Variants in STAM observed in about 807,000 individuals in gnomAD.
The protein encoded by STAM is signal transducing adapter molecule 1.
STAM carries 16 observed loss-of-function variants against 63.4 expected under a neutral mutation model. The observed-to-expected ratio is 0.25, with a 90% CI of 0.17 to 0.38. The LOEUF is 0.38. Among genes scored for constraint, STAM ranks in the 10% least tolerant of loss-of-function variants. The pLI, the probability that STAM is intolerant of heterozygous loss-of-function variation, is 1.00. For missense variants in STAM, 636 were observed against 657.1 expected (o/e 0.97, Z 0.35); for synonymous variants, 238 against 223.9 (o/e 1.06, Z -0.56).
At chr10:17,663,931 G>C (rs1190684300) in intron 2 of STAM, among the ~76,000 whole-genome samples, 1 of 151,752 alleles carries the variant, frequency 6.6e-6, no homozygotes, top group Non-Finnish European at 1.5e-5. Flanking sequence ...CTGGGCCCTA[G>C]GCACTTTTGT....
Position 17,704,178 on chromosome 10 carries a change from G to T in STAM, c.913-253G>T, listed in dbSNP as rs180761838. On this transcript the variant is annotated intron_variant, in intron 9 of 13. Transcript: ENST00000377524. Reference sequence around the variant, plus strand: ...CGAGATCATAGCTCACTGCAGCCTTGACCTCCTGGGCTCAAGTGATTCTCC... The same window carrying T: ...CGAGATCATAGCTCACTGCAGCCTTTACCTCCTGGGCTCAAGTGATTCTCC... Among the ~76,000 whole-genome samples the T allele has an allele frequency of 3.9e-3, 594 of 152,228 alleles. 3 individuals are homozygous for T. The highest frequency in any genetic ancestry group is 0.014 in the African/African-American group (571 of 41,544).
intron 2 of STAM, among the ~76,000 whole-genome samples, chr10:17,675,330 C>G (rs1387347455): frequency 6.6e-6 from 1 of 151,922 alleles, no homozygotes; most frequent in Non-Finnish European, 1.5e-5. Flanking sequence ...GTGGTGAAAC[C>G]CTGTCTCCAC....
intron 1 of STAM, among the ~76,000 whole-genome samples, chr10:17,653,433 GGT>G (rs1833817563): frequency 6.6e-6 from 1 of 152,158 alleles, no homozygotes; most frequent in South Asian, 2.1e-4. Context: ...TAAGCATTCT[GGT>G]AGGTGATACA....
Position 17,714,673 on chromosome 10 carries a change from C to T in STAM, c.1516C>T (p.Pro506Ser), listed in dbSNP as rs782591677. 44 of 1,613,996 alleles carry T rather than the reference C, an allele frequency of 2.7e-5. No individual in the cohort carries two copies. Among genetic ancestry groups the T allele is most frequent in the Middle Eastern group, 1.6e-4 (1 of 6,084 alleles). The change falls in exon 14 of 14, where the codon CCC becomes TCC. Residue 506 changes from proline to serine, a missense_variant. Pro to Ser is a moderately conservative substitution (Grantham distance 74, BLOSUM62 -1). This residue lies in a region of STAM where 532 missense variants were observed against 536.9 expected (regional missense o/e 0.99). Coordinates refer to ENST00000377524, the MANE Select transcript of STAM (RefSeq NM_003473.4). ...TLYQNAGPNM[P>S]QVPNYNLTSS... is the part of the protein sequence containing the mutation. Reference sequence around the variant, plus strand: ...GTACCAGAATGCAGGACCTAATATGCCCCAGGTGCCAAACTATAACTTAAC... The same window carrying T: ...GTACCAGAATGCAGGACCTAATATGTCCCAGGTGCCAAACTATAACTTAAC...
At chr10:17,705,403 G>A (rs1190880941) in intron 11 of STAM, among the ~76,000 whole-genome samples, 185 bp from the exon 12 acceptor site, 1 of 152,158 alleles carries the variant, frequency 6.6e-6, no homozygotes, top group Non-Finnish European at 1.5e-5. Context: ...AGCACAGCAC[G>A]TAAACCTTAA....
rs1554826330 is a variant in STAM at position 17,688,183 on chromosome 10, G to A, written c.444+10G>A. 7 of 1,525,052 alleles carry A rather than the reference G, an allele frequency of 4.6e-6. No homozygotes were observed. The highest frequency in any genetic ancestry group is 1.3e-5 in the South Asian group (1 of 74,714). 94.5% of individuals were successfully genotyped at this position (1,525,052 alleles called of 1,614,324 possible). On this transcript the variant is annotated intron_variant, in intron 5 of 13. Transcript: ENST00000377524. ...AGCTATTGGCTCTCAGGTATTTTGGGAATGAAGTTGTGTGTGTGCTACAGT... is the reference window on the plus strand; with the variant it reads ...AGCTATTGGCTCTCAGGTATTTTGGAAATGAAGTTGTGTGTGTGCTACAGT...
chr10:17,653,286 C>T (rs139109649), intron 1 of STAM, among the ~76,000 whole-genome samples: 22 of 152,234 alleles, frequency 1.4e-4, no homozygotes, highest in East Asian at 3.9e-4. Context: ...GAATATTCCG[C>T]GATAAAAACT....
chr10:17,664,153 C>T (rs1183243738), intron 2 of STAM, among the ~76,000 whole-genome samples: 1 of 152,010 alleles, frequency 6.6e-6, no homozygotes, highest in African/African-American at 2.4e-5. Flanking sequence ...TAAGCGTTTA[C>T]AGAATTGGGT....
intron 12 of STAM, 74 bp downstream of exon 12, chr10:17,705,815 C>A: frequency 6.9e-7 from 1 of 1,451,288 alleles, no homozygotes; most frequent in Non-Finnish European, 9.3e-7. Context: ...TGCCTGTAAT[C>A]TCAGCAATTT....
intron 13 of STAM, among the ~76,000 whole-genome samples, chr10:17,712,227 C>G (rs187216452): frequency 6.6e-6 from 1 of 152,288 alleles, no homozygotes; most frequent in African/African-American, 2.4e-5. Flanking sequence ...ACTATTACCC[C>G]CATTTTATAG....
Position 17,700,258 on chromosome 10 carries a change from G to T in STAM, c.891G>T (p.Pro297=), listed in dbSNP as rs782570790. The T allele has an allele frequency of 2.5e-6, 4 of 1,607,850 alleles. No homozygotes were observed. The South Asian group carries it at 4.4e-5, about 18-fold the overall frequency. Residue 297 remains proline (P), a synonymous_variant, in exon 9 of 14, where the codon CCG becomes CCT. Coordinates refer to ENST00000377524, the MANE Select transcript of STAM (RefSeq NM_003473.4). ...AGGTAGAGACAATAGAACCAGAGCCGGAACCAGCCTTTATTGATGAAGTAA... is the reference window on the plus strand; with the variant it reads ...AGGTAGAGACAATAGAACCAGAGCCTGAACCAGCCTTTATTGATGAAGTAA... ...DVQVETIEPE[P]EPAFIDEDKM... is the part of the protein sequence containing the mutation.
chr10:17,693,369 G>C, intron 6 of STAM, 57 bp downstream of exon 6: 1 of 1,376,154 alleles, frequency 7.3e-7, no homozygotes, highest in Admixed American at 2.0e-5. Context: ...TTTTCTCTGA[G>C]ATATTTAAAG....
chr10:17,689,964 G>C (rs1177048617), intron 5 of STAM, among the ~76,000 whole-genome samples: 1 of 152,172 alleles, frequency 6.6e-6, no homozygotes, highest in Non-Finnish European at 1.5e-5. Flanking sequence ...GTCCACAAAG[G>C]GACTTACTCT....
intron 1 of STAM, among the ~76,000 whole-genome samples, chr10:17,651,206 C>G (rs938825531): frequency 5.3e-5 from 8 of 151,412 alleles, no homozygotes; most frequent in African/African-American, 1.9e-4. Context: ...TTTTTTCTTG[C>G]AGGTGTATTT....
chr10:17,651,499 A>G lies in STAM; in HGVS notation c.40+7120A>G, dbSNP rs188134107. 7.9e-5 allele frequency among the ~76,000 whole-genome samples: 12 copies of G among 152,334 alleles called. No individual in the cohort carries two copies. The East Asian group carries it at 9.6e-4, about 12-fold the overall frequency. On this transcript the variant is annotated intron_variant, in intron 1 of 13. Coordinates refer to ENST00000377524, the MANE Select transcript of STAM (RefSeq NM_003473.4). ...AATTCAGAATACAAGTATGTTAACC[A>G]TCTGATATCCACTGGATTAAGAACT...
At chr10:17,670,506 AC>A (rs1310677631) in intron 2 of STAM, among the ~76,000 whole-genome samples, 60 of 152,304 alleles carry the variant, frequency 3.9e-4, no homozygotes, top group Admixed American at 3.9e-3. Context: ...ATCAAGACAT[AC>A]CAATCTTACA....
intron 1 of STAM, among the ~76,000 whole-genome samples, chr10:17,652,202 T>G (rs1554821631): frequency 6.6e-6 from 1 of 152,226 alleles, no homozygotes; most frequent in African/African-American, 2.4e-5. Context: ...TGACTTCATT[T>G]GCTATTCACA....
At chr10:17,710,042 G>A (rs1836487783) in intron 13 of STAM, among the ~76,000 whole-genome samples, 1 of 151,292 alleles carries the variant, frequency 6.6e-6, no homozygotes, top group Non-Finnish European at 1.5e-5. Flanking sequence ...AGAGTAGCAT[G>A]TTGCTTTACA....
intron 2 of STAM, among the ~76,000 whole-genome samples, chr10:17,675,406 A>C (rs567987326): frequency 5.9e-5 from 9 of 151,698 alleles, no homozygotes; most frequent in East Asian, 1.9e-4. Flanking sequence ...TGGAAGGCTG[A>C]GGTGGGAGAA....
Sources: allele counts gnomAD v4.1 joint callset (sites outside exome capture counted in the v4.1 genomes callset), GRCh38; gene constraint gnomAD v4.1.1; regional missense constraint gnomAD v4.1.1; transcripts MANE v1.5; gene names NCBI Gene and HGNC (gene_info 2026-07-23, HGNC 2026-07-21).